RFX3: variants seen among roughly 807,000 people sequenced by gnomAD.
RFX3 encodes transcription factor RFX3.
Under a neutral mutation model 98.6 loss-of-function variants are expected in RFX3, and 14 were observed. The observed-to-expected ratio is 0.14, with a 90% CI of 0.09 to 0.22. The LOEUF is 0.22. Ranked by LOEUF, RFX3 falls within the 10% of genes least tolerant of loss-of-function variation. The pLI, the probability that RFX3 is intolerant of heterozygous loss-of-function variation, is 1.00. For synonymous variants in RFX3, 383 were observed against 328.4 expected (o/e 1.17, Z -1.80); for missense variants, 639 against 926.9 (o/e 0.69, Z 4.03).
chr9:3,357,415 AACAAAATAATATTT>A (rs1835906153), intron 2 of RFX3, among the ~76,000 whole-genome samples: 1 of 152,046 alleles, frequency 6.6e-6, no homozygotes, highest in Non-Finnish European at 1.5e-5. Context: ...TAAATTTTTA[AACAAAATAATATTT>A]TTATTTTTGC....
chr9:3,253,639 T>C (rs1403904967), intron 14 of RFX3, among the ~76,000 whole-genome samples: 2 of 152,144 alleles, frequency 1.3e-5, no homozygotes, highest in East Asian at 3.9e-4. Flanking sequence ...CAGAACCTCT[T>C]TGTAGCGCTG....
intron 1 of RFX3, among the ~76,000 whole-genome samples, chr9:3,496,329 C>G (rs190345991): frequency 4.9e-4 from 74 of 152,010 alleles, no homozygotes; most frequent in Admixed American, 2.9e-3. Context: ...GATCCTGCCC[C>G]AAGATTGAAA....
chr9:3,502,551 A>G (rs1277197789), intron 1 of RFX3, among the ~76,000 whole-genome samples: 2 of 152,242 alleles, frequency 1.3e-5, no homozygotes, highest in African/African-American at 4.8e-5. Context: ...ACCATCTCAC[A>G]GAACTTTCAG....
At chr9:3,436,311 C>G (rs936440300) in intron 1 of RFX3, among the ~76,000 whole-genome samples, 1 of 151,920 alleles carries the variant, frequency 6.6e-6, no homozygotes, top group African/African-American at 2.4e-5. Context: ...ATTTTTCTAA[C>G]TAAACATATC....
Position 3,346,772 on chromosome 9 carries a change from A to G in RFX3, c.118-8T>C. The stretch of plus-strand genomic sequence containing the variant: ...AGTCTGTACCTGCTGTACCTGAAAA[A>G]CAAGTATTAGGACCTTGGTAAGAGG... On this transcript the variant is annotated splice_region_variant and splice_polypyrimidine_tract_variant and intron_variant, in intron 2 of 16. Transcript: ENST00000617270. 3 of 1,594,402 alleles carry G rather than the reference A, an allele frequency of 1.9e-6. No homozygotes were observed. The highest frequency in any genetic ancestry group is 2.6e-6 in the Non-Finnish European group (3 of 1,162,122).
chr9:3,320,893 G>C (rs915556145), intron 4 of RFX3, among the ~76,000 whole-genome samples: 4 of 149,210 alleles, frequency 2.7e-5, no homozygotes, highest in Non-Finnish European at 4.4e-5. Flanking sequence ...CCTGCTGATG[G>C]ATAAGGCAGT....
chr9:3,396,366 T>C (rs1049149220), intron 1 of RFX3, among the ~76,000 whole-genome samples: 1 of 152,072 alleles, frequency 6.6e-6, no homozygotes, highest in Non-Finnish European at 1.5e-5. Context: ...CAAAGGACAT[T>C]AACTCATCAT....
At chr9:3,242,260 C>T (rs1407541450) in intron 15 of RFX3, among the ~76,000 whole-genome samples, 1 of 152,120 alleles carries the variant, frequency 6.6e-6, no homozygotes, top group Admixed American at 6.5e-5. Flanking sequence ...TGTAAGACAT[C>T]TAGAATAGGG....
At chr9:3,328,945 C>A (rs1420165984) in intron 4 of RFX3, among the ~76,000 whole-genome samples, 1 of 152,078 alleles carries the variant, frequency 6.6e-6, no homozygotes, top group African/African-American at 2.4e-5. Context: ...ATATGTAATA[C>A]CTAGAAAATC....
At chr9:3,525,295 C>T (rs1221675673) in intron 1 of RFX3, among the ~76,000 whole-genome samples, 1 of 152,168 alleles carries the variant, frequency 6.6e-6, no homozygotes, top group Non-Finnish European at 1.5e-5. Flanking sequence ...TCTATTTCGG[C>T]TTTGAAAGAA....
intron 2 of RFX3, among the ~76,000 whole-genome samples, chr9:3,353,378 G>T (rs1393811581): frequency 6.6e-6 from 1 of 151,846 alleles, no homozygotes; most frequent in African/African-American, 2.4e-5. Flanking sequence ...TAAAGAAATG[G>T]GGAGGCTTAA....
chr9:3,291,383 CAAAAA>C (rs1827318628), intron 6 of RFX3, among the ~76,000 whole-genome samples: 2 of 125,330 alleles, frequency 1.6e-5, no homozygotes, highest in African/African-American at 6.2e-5. Flanking sequence ...AAAAACAAAA[CAAAAA>C]CAAAAACAAA....
At chr9:3,454,210 T>C (rs1227102392) in intron 1 of RFX3, among the ~76,000 whole-genome samples, 7 of 152,172 alleles carry the variant, frequency 4.6e-5, no homozygotes, top group Admixed American at 4.6e-4. Flanking sequence ...AAATAAACCA[T>C]TTCAAAAAAT....
Position 3,450,124 on chromosome 9 carries a change from G to A in RFX3, c.-8-54528C>T, listed in dbSNP as rs1011810255. Reference sequence around the variant, plus strand: ...AAGAGAGTATTTGCCTGGCAAGGCAGAGAAAAAATAAAATTAAAATATAAG... The same window carrying A: ...AAGAGAGTATTTGCCTGGCAAGGCAAAGAAAAAATAAAATTAAAATATAAG... On this transcript the variant is annotated intron_variant, in intron 1 of 16. Coordinates refer to ENST00000617270, the MANE Select transcript of RFX3 (RefSeq NM_001282116.2). Among the ~76,000 whole-genome samples, 9 of 152,248 alleles carry A rather than the reference G, an allele frequency of 5.9e-5. No individual in the cohort carries two copies. The South Asian group carries it at 1.2e-3, about 21-fold the overall frequency.
intron 1 of RFX3, among the ~76,000 whole-genome samples, chr9:3,416,853 A>G (rs188066092): frequency 1.3e-5 from 2 of 152,174 alleles, no homozygotes; most frequent in Non-Finnish European, 2.9e-5. Flanking sequence ...GAAACAAAAA[A>G]TAAATGGCAA....
chr9:3,322,936 A>G (rs1467563998), intron 4 of RFX3, among the ~76,000 whole-genome samples: 14 of 152,154 alleles, frequency 9.2e-5, no homozygotes, highest in Admixed American at 9.2e-4. Flanking sequence ...ATTAAACATC[A>G]CATCTTCCTT....
intron 1 of RFX3, among the ~76,000 whole-genome samples, chr9:3,472,064 C>G (rs575889246): frequency 1.1e-4 from 16 of 152,098 alleles, no homozygotes; most frequent in African/African-American, 3.9e-4. Context: ...TTAGGGCAGG[C>G]AATTTATTTT....
At chr9:3,466,829 T>C (rs959816680) in intron 1 of RFX3, among the ~76,000 whole-genome samples, 9 of 151,930 alleles carry the variant, frequency 5.9e-5, no homozygotes, top group Admixed American at 1.3e-4. Flanking sequence ...TTTCTATCCC[T>C]GAAACAGAAT....
At chr9:3,256,840 A>C (rs576949392) in intron 14 of RFX3, 151 bp downstream of exon 14, 1 of 690,126 alleles carries the variant, frequency 1.4e-6, no homozygotes, top group African/African-American at 1.8e-5. Flanking sequence ...GTAATCACTG[A>C]GTTGGGTTGA....
Sources: allele counts gnomAD v4.1 joint callset (sites outside exome capture counted in the v4.1 genomes callset), GRCh38; gene constraint gnomAD v4.1.1; transcripts MANE v1.5; gene names NCBI Gene and HGNC (gene_info 2026-07-23, HGNC 2026-07-21).